The following IL1RAPL1 variants were observed in gnomAD, a reference collection of about 807,000 sequenced individuals.
IL1RAPL1 encodes interleukin-1 receptor accessory protein-like 1.
IL1RAPL1 carries 3 observed loss-of-function variants against 48.4 expected under a neutral mutation model. The ratio of observed to expected loss-of-function variants is 0.06; its 90% CI spans 0.03 to 0.16. The LOEUF is 0.16. Ranked by LOEUF, IL1RAPL1 falls within the 10% of genes least tolerant of loss-of-function variation. IL1RAPL1 has a pLI of 1.00. For synonymous variants in IL1RAPL1, 185 were observed against 187.7 expected, an observed-to-expected ratio of 0.99 and a Z score of 0.12; for missense variants, 349 against 530.6, an observed-to-expected ratio of 0.66 and a Z score of 3.36.
At chrX:28,620,652 C>G (rs1229414474) in intron 1 of IL1RAPL1, among the ~76,000 whole-genome samples, 1 of 111,719 alleles carries the variant, frequency 9.0e-6, no homozygotes, top group Non-Finnish European at 1.9e-5. Context: ...TGATTTATCC[C>G]CTTTTGGTTT....
chrX:29,380,281 GC>G (rs1347448899), intron 3 of IL1RAPL1, among the ~76,000 whole-genome samples: 2 of 112,057 alleles, frequency 1.8e-5, no homozygotes, highest in Non-Finnish European at 3.8e-5. Flanking sequence ...AGGCTGGAGT[GC>G]AATGGCACGA....
chrX:29,413,661 A>C (rs1934176922), intron 5 of IL1RAPL1, among the ~76,000 whole-genome samples: 1 of 109,679 alleles, frequency 9.1e-6, no homozygotes, highest in African/African-American at 3.3e-5. Context: ...AGCTTCATCC[A>C]TGTCCCTATA....
At chrX:29,909,011 G>T (rs925641930) in intron 6 of IL1RAPL1, among the ~76,000 whole-genome samples, 7 of 111,405 alleles carry the variant, frequency 6.3e-5, no homozygotes, top group Non-Finnish European at 1.1e-4. Flanking sequence ...GCTTTTATCA[G>T]CTTTTTAAAA....
At chrX:29,301,756 A>C (rs748536315) in intron 3 of IL1RAPL1, among the ~76,000 whole-genome samples, 16 of 111,409 alleles carry the variant, frequency 1.4e-4, no homozygotes, top group African/African-American at 5.2e-4. Context: ...ACTCATAAAA[A>C]ATTATCTGTA....
chrX:29,424,853 C>T (rs974964602), intron 5 of IL1RAPL1, among the ~76,000 whole-genome samples: 2 of 111,666 alleles, frequency 1.8e-5, no homozygotes, highest in East Asian at 5.6e-4. Context: ...TATGAAGGAA[C>T]GCACTAATAA....
chrX:29,897,522 A>AACTT (rs1256293743), intron 6 of IL1RAPL1, among the ~76,000 whole-genome samples: 1 of 111,932 alleles, frequency 8.9e-6, no homozygotes, highest in Non-Finnish European at 1.9e-5. Context: ...AAACCAGTAA[A>AACTT]ACTTATCCAG....
intron 2 of IL1RAPL1, among the ~76,000 whole-genome samples, chrX:29,190,404 C>T (rs751927804): frequency 8.9e-6 from 1 of 112,013 alleles, no homozygotes; most frequent in African/African-American, 3.2e-5. Flanking sequence ...ATTCCTTGCA[C>T]GGACTATCAA....
chrX:29,646,515 A>G (rs772285481), intron 5 of IL1RAPL1, among the ~76,000 whole-genome samples: 4 of 111,692 alleles, frequency 3.6e-5, no homozygotes, highest in Non-Finnish European at 7.5e-5. Context: ...ACAAAGGAAT[A>G]TAAAGCTATA....
At chrX:29,108,563 G>A (rs1405593738) in intron 2 of IL1RAPL1, among the ~76,000 whole-genome samples, 2 of 109,660 alleles carry the variant, frequency 1.8e-5, no homozygotes, top group African/African-American at 6.6e-5. Flanking sequence ...CACCATGCCC[G>A]GCTAATTTTG....
intron 2 of IL1RAPL1, among the ~76,000 whole-genome samples, chrX:29,127,371 A>AGATGATGCT (rs1445352918): frequency 2.7e-5 from 3 of 111,843 alleles, no homozygotes; most frequent in Non-Finnish European, 5.6e-5. Flanking sequence ...GCAAGTACCC[A>AGATGATGCT]GATGATGCTG....
At chrX:29,301,377 C>G (rs1788967167) in intron 3 of IL1RAPL1, among the ~76,000 whole-genome samples, 1 of 111,823 alleles carries the variant, frequency 8.9e-6, no homozygotes, top group African/African-American at 3.2e-5. Flanking sequence ...GATTTATGTC[C>G]ATCTTCAGAT....
chrX:28,837,438 C>T (rs1006423769), intron 2 of IL1RAPL1, among the ~76,000 whole-genome samples: 2 of 110,637 alleles, frequency 1.8e-5, no homozygotes, highest in Non-Finnish European at 3.8e-5. Flanking sequence ...TTTTCAGGAA[C>T]GTTTGTCTCT....
At chrX:28,686,325 T>C (rs2146922613) in intron 1 of IL1RAPL1, among the ~76,000 whole-genome samples, 1 of 112,239 alleles carries the variant, frequency 8.9e-6, no homozygotes, top group Admixed American at 9.4e-5. Context: ...TAGAATTTGA[T>C]TATCACCCAC....
At chrX:29,092,496 G>A (rs1375135993) in intron 2 of IL1RAPL1, among the ~76,000 whole-genome samples, 1 of 111,076 alleles carries the variant, frequency 9.0e-6, no homozygotes, top group Non-Finnish European at 1.9e-5. Context: ...ATTTCCTTAA[G>A]TTGACTCTCA....
intron 6 of IL1RAPL1, among the ~76,000 whole-genome samples, chrX:29,774,466 T>C (rs1929142668): frequency 8.9e-6 from 1 of 111,966 alleles, no homozygotes; most frequent in South Asian, 3.7e-4. Context: ...TAAACAACAT[T>C]AAAGCAACAA....
intron 5 of IL1RAPL1, among the ~76,000 whole-genome samples, chrX:29,419,855 G>A (rs1934270040): frequency 9.0e-6 from 1 of 111,183 alleles, no homozygotes; most frequent in Non-Finnish European, 1.9e-5. Context: ...GGTGGGTGTG[G>A]CAGAGGAGAC....
At position 29,314,173 on chromosome X, in the gene IL1RAPL1, GAC is replaced by G. The variant is rs371448635; in HGVS notation, c.362+30960_362+30961del. 1.9e-3 allele frequency among the ~76,000 whole-genome samples: 211 copies of G among 112,116 alleles called. 1 individual carries two copies. Among genetic ancestry groups the G allele is most frequent in the African/African-American group, 6.3e-3 (194 of 30,923 alleles). On this transcript the variant is annotated intron_variant, in intron 3 of 10. Coordinates refer to ENST00000378993, the MANE Select transcript of IL1RAPL1 (RefSeq NM_014271.4). ...AGTGCAGTAATAAAGATCAACACTTGACACAGGGTCTTAGTTCTCTGAAGACA... is the reference window on the plus strand; with the variant it reads ...AGTGCAGTAATAAAGATCAACACTTGACAGGGTCTTAGTTCTCTGAAGACA...
intron 5 of IL1RAPL1, among the ~76,000 whole-genome samples, chrX:29,630,678 A>G (rs1046413733): frequency 1.8e-5 from 2 of 109,921 alleles, no homozygotes; most frequent in African/African-American, 6.6e-5. Flanking sequence ...AGCTGGGACT[A>G]CAGGCGCCCA....
At chrX:28,855,926 A>G (rs955200873) in intron 2 of IL1RAPL1, among the ~76,000 whole-genome samples, 4 of 111,740 alleles carry the variant, frequency 3.6e-5, no homozygotes, top group African/African-American at 6.5e-5. Flanking sequence ...AATATAGTCC[A>G]TATCTTTGTT....
Sources: allele counts gnomAD v4.1 joint callset (sites outside exome capture counted in the v4.1 genomes callset), GRCh38; gene constraint gnomAD v4.1.1; transcripts MANE v1.5; gene names NCBI Gene and HGNC (gene_info 2026-07-23, HGNC 2026-07-21).